The following LMNB2 variants were observed in gnomAD, a reference collection of about 807,000 sequenced individuals.
The protein encoded by LMNB2 is lamin B2.
LMNB2 carries 17 observed loss-of-function variants against 69.3 expected under a neutral mutation model. The ratio of observed to expected loss-of-function variants is 0.25; its 90% CI spans 0.17 to 0.37. The LOEUF is 0.37. Among genes scored for constraint, LMNB2 ranks in the 10% least tolerant of loss-of-function variants. LMNB2 has a pLI of 1.00. For missense variants in LMNB2, 789 were observed against 883.6 expected, an observed-to-expected ratio of 0.89 and a Z score of 1.36; for synonymous variants, 397 against 389.3, an observed-to-expected ratio of 1.02 and a Z score of -0.23.
At position 2,433,820 on chromosome 19, in the gene LMNB2, G is replaced by A. The variant is rs764786678; in HGVS notation, c.1482+6C>T. On this transcript the variant is annotated splice_donor_region_variant and intron_variant, in intron 8 of 11. Transcript: ENST00000325327. ...GTTACCCCCATGCCCCGGTCTTTCCGGTCACCTTGTCCGAGTTGTTCTTGA... is the reference window on the plus strand; with the variant it reads ...GTTACCCCCATGCCCCGGTCTTTCCAGTCACCTTGTCCGAGTTGTTCTTGA... 8.7e-6 allele frequency: 14 copies of A among 1,612,964 alleles called. No individual in the cohort carries two copies. The highest frequency in any genetic ancestry group is 6.7e-5 in the East Asian group (3 of 44,854).
chr19:2,433,736 G>T, intron 8 of LMNB2, 90 bp downstream of exon 8: 2 of 1,460,456 alleles, frequency 1.4e-6, no homozygotes, highest in Non-Finnish European at 1.9e-6. Flanking sequence ...CCCCTGCCTC[G>T]CATTGGCCGG....
At chr19:2,452,754 G>C (rs1187930363) in intron 1 of LMNB2, among the ~76,000 whole-genome samples, 1 of 151,780 alleles carries the variant, frequency 6.6e-6, no homozygotes, top group Non-Finnish European at 1.5e-5. Flanking sequence ...GCGTGTGTGA[G>C]GACCTCGGGG....
At position 2,429,920 on chromosome 19, in the gene LMNB2, CCTGT is replaced by C. The variant is rs956053609; in HGVS notation, c.*987_*990del. On this transcript the variant is annotated 3_prime_UTR_variant, in exon 12 of 12. Coordinates refer to ENST00000325327, the MANE Select transcript of LMNB2 (RefSeq NM_032737.4). ...CGTGATAGGAGTCAGGTGGCCTTGGCCTGTCTGAGAAACATGGTTTCAGCGAGAA... is the reference window on the plus strand; with the variant it reads ...CGTGATAGGAGTCAGGTGGCCTTGGCCTGAGAAACATGGTTTCAGCGAGAA... 3 of 152,172 alleles carry C rather than the reference CCTGT, an allele frequency of 2.0e-5. No homozygotes were observed. Among genetic ancestry groups the C allele is most frequent in the Admixed American group, 6.6e-5 (1 of 15,260 alleles). 9.4% of individuals were successfully genotyped at this position (152,172 alleles called of 1,614,324 possible).
chr19:2,454,279 C>G (rs982194433), intron 1 of LMNB2, among the ~76,000 whole-genome samples: 1 of 131,258 alleles, frequency 7.6e-6, no homozygotes, highest in Non-Finnish European at 1.5e-5. Context: ...GACGACGGAG[C>G]GAGACTCTAT....
In LMNB2 at chr19:2,434,399, C is replaced by G; in HGVS notation, c.1098G>C (p.Val366=). The change falls in exon 7 of 12, where the codon GTG becomes GTC. Residue 366 remains valine, a synonymous_variant. Coordinates refer to ENST00000325327, the MANE Select transcript of LMNB2 (RefSeq NM_032737.4). ...GGTACTCGGCCAGCTGCTGCTGCAT[C>G]ACGTCCCGCATCTCCGTCATCTCCT... ...KEQEMTEMRD[V]MQQQLAEYQE... The G allele has an allele frequency of 6.2e-7, 1 of 1,613,462 alleles. No homozygotes were observed. Among genetic ancestry groups the G allele is most frequent in the Non-Finnish European group, 8.5e-7 (1 of 1,180,012 alleles).
rs1248711726 is a variant in LMNB2, at chr19:2,434,121, G to A, written c.1203-16C>T. 1.9e-6 allele frequency: 3 copies of A among 1,575,336 alleles called. No homozygotes were observed. The highest frequency in any genetic ancestry group is 2.6e-6 in the Non-Finnish European group (3 of 1,163,712). ...CAGCTTCAGCCTGTGGGGAAGGCAA[G>A]GAAGGTGGGACTGGTAGTGGGAGCC... On this transcript the variant is annotated splice_polypyrimidine_tract_variant and intron_variant, in intron 7 of 11. Transcript: ENST00000325327.
chr19:2,452,963 CTAATGGGGGATGGG>C (rs1162339763), intron 1 of LMNB2, among the ~76,000 whole-genome samples: 5 of 114,968 alleles, frequency 4.3e-5, no homozygotes, highest in African/African-American at 1.9e-4. Flanking sequence ...CTGGGTCATC[CTAATGGGGGATGGG>C]TCATCCTAAT....
At chr19:2,437,732 G>A (rs1184109482) in intron 4 of LMNB2, among the ~76,000 whole-genome samples, 2 of 149,884 alleles carry the variant, frequency 1.3e-5, no homozygotes, top group Admixed American at 1.3e-4. Context: ...CCTGGGAGGC[G>A]GAGGTTGCAG....
intron 4 of LMNB2, among the ~76,000 whole-genome samples, chr19:2,435,652 C>T (rs1470181362): frequency 1.3e-5 from 2 of 152,058 alleles, no homozygotes; most frequent in African/African-American, 4.8e-5. Flanking sequence ...CTGAACTGTA[C>T]ACTTTAAAAA....
In LMNB2 at chr19:2,447,550, C is replaced by A. The variant is rs1971970279; in HGVS notation, c.265-3010G>T. On this transcript the variant is annotated intron_variant, in intron 1 of 11. Coordinates refer to ENST00000325327, the MANE Select transcript of LMNB2 (RefSeq NM_032737.4). The surrounding 1 kb of genome is among the most constrained non-coding windows in gnomAD (Gnocchi z 4.4). ...GAAACCTACGGGTGAGCTGGGTGAACCTTATGAGGCGGGAATTAACTGCTC... is the reference window on the plus strand; with the variant it reads ...GAAACCTACGGGTGAGCTGGGTGAAACTTATGAGGCGGGAATTAACTGCTC... Among the ~76,000 whole-genome samples the A allele has an allele frequency of 1.3e-5, 2 of 152,142 alleles. No individual in the cohort carries two copies. The highest frequency in any genetic ancestry group is 2.9e-5 in the Non-Finnish European group (2 of 68,018).
At chr19:2,444,322 C>T in intron 2 of LMNB2, 82 bp downstream of exon 2, 1 of 1,532,366 alleles carries the variant, frequency 6.5e-7, no homozygotes, top group Non-Finnish European at 9.0e-7. Flanking sequence ...GCATGCCCCG[C>T]ACGAGCCCAG....
At chr19:2,454,376 C>A (rs1972065871) in intron 1 of LMNB2, among the ~76,000 whole-genome samples, 1 of 151,908 alleles carries the variant, frequency 6.6e-6, no homozygotes, top group South Asian at 2.1e-4. Flanking sequence ...AAGGCACCAG[C>A]TACATTCTTT....
rs767989080 is a variant in LMNB2, at chr19:2,438,420, G to A, written c.513C>T (p.Arg171=). The A allele has an allele frequency of 1.7e-5, 28 of 1,612,624 alleles. No individual in the cohort carries two copies. Among genetic ancestry groups the A allele is most frequent in the South Asian group, 1.1e-4 (10 of 91,072 alleles). The change falls in exon 3 of 12, where the codon CGC becomes CGT. Residue 171 remains arginine (R), a synonymous_variant. Coordinates refer to ENST00000325327, the MANE Select transcript of LMNB2 (RefSeq NM_032737.4). ...GCTCAGCCACGTCACTCTCCAGGCCGCGCTTGTCGCTGAGGGCAGCTGCCA... is the reference window on the plus strand; with the variant it reads ...GCTCAGCCACGTCACTCTCCAGGCCACGCTTGTCGCTGAGGGCAGCTGCCA... The part of the protein sequence containing the change: ...VELAAALSDK[R]GLESDVAELR...
rs1454491045 is a variant in LMNB2, at chr19:2,432,485, G to A, written c.1521C>T (p.Val507=). The A allele has an allele frequency of 6.2e-7, 1 of 1,613,842 alleles. No individual in the cohort carries two copies. Among genetic ancestry groups the A allele is most frequent in the Non-Finnish European group, 8.5e-7 (1 of 1,179,920 alleles). ...TGTAGGCGATCTCCTCCCCCTCCAA[G>A]ACCTGCCTCTTGATTCTCCAGTTCC... is the stretch of plus-strand genomic sequence containing the variant. The part of the protein sequence containing the change: ...SLGNWRIKRQ[V]LEGEEIAYKF... The change falls in exon 9 of 12, where the codon GTC becomes GTT. Residue 507 remains valine (V), a synonymous_variant. Coordinates refer to ENST00000325327, the MANE Select transcript of LMNB2 (RefSeq NM_032737.4).
At chr19:2,434,937 T>G in intron 5 of LMNB2, 24 bp from the exon 6 acceptor site, 1 of 1,592,546 alleles carries the variant, frequency 6.3e-7, no homozygotes, top group African/African-American at 1.3e-5. Context: ...GGCGGGTGAG[T>G]GCGGGCGCGG....
rs150969746 is a variant in LMNB2, at chr19:2,435,052, G to A, written c.804C>T (p.Asp268=). The part of the protein sequence containing the change: ...QALEELRSQH[D]EQVRLYKLEL... ...CCAGCTTGTAGAGCCGCACTTGCTC[G>A]TCGTGCTGGCTCCGCAGCTCCTCCA... Residue 268 remains aspartate (D), a synonymous_variant, in exon 5 of 12, where the codon GAC becomes GAT. Transcript: ENST00000325327. The A allele has an allele frequency of 3.1e-4, 493 of 1,610,524 alleles. 1 individual carries two copies. In the African/African-American group the frequency reaches 5.1e-3, roughly 17 times the overall value.
At chr19:2,433,495 C>T (rs1424945944) in intron 8 of LMNB2, among the ~76,000 whole-genome samples, 1 of 67,434 alleles carries the variant, frequency 1.5e-5, no homozygotes, top group Non-Finnish European at 2.7e-5. Context: ...CCCCATGCCC[C>T]GGTCATTCCG....
In LMNB2 at chr19:2,443,790, T is replaced by G. The variant is rs755582369; in HGVS notation, c.401+614A>C. Among the ~76,000 whole-genome samples, 1 of 152,116 alleles carries G rather than the reference T, an allele frequency of 6.6e-6. No homozygotes were observed. The highest frequency in any genetic ancestry group is 1.5e-5 in the Non-Finnish European group (1 of 68,028). On this transcript the variant is annotated intron_variant, in intron 2 of 11. Coordinates refer to ENST00000325327, the MANE Select transcript of LMNB2 (RefSeq NM_032737.4). The surrounding 1 kb of genome is among the most constrained non-coding windows in gnomAD (Gnocchi z 6.2). ...TTTTGTCATCATCGTTCTGTTTAAA[T>G]TGCCGCCCAACCACATCCCACGCCC...
Position 2,434,396 on chromosome 19 carries a change from C to T in LMNB2, c.1101G>A (p.Met367Ile), listed in dbSNP as rs774666323. The T allele has an allele frequency of 1.9e-6, 3 of 1,613,418 alleles. No homozygotes were observed. The highest frequency in any genetic ancestry group is 1.7e-6 in the Non-Finnish European group (2 of 1,179,994). Residue 367 changes from methionine to isoleucine, a missense_variant, in exon 7 of 12, where the codon ATG becomes ATA. Met to Ile is a conservative substitution (Grantham distance 10). This residue lies in a region of LMNB2 where 609 missense variants were observed against 630.9 expected (regional missense o/e 0.97). Transcript: ENST00000325327. ...EQEMTEMRDV[M>I]QQQLAEYQEL... ...CCTGGTACTCGGCCAGCTGCTGCTGCATCACGTCCCGCATCTCCGTCATCT... is the reference window on the plus strand; with the variant it reads ...CCTGGTACTCGGCCAGCTGCTGCTGTATCACGTCCCGCATCTCCGTCATCT...
Sources: allele counts gnomAD v4.1 joint callset (sites outside exome capture counted in the v4.1 genomes callset), GRCh38; gene constraint gnomAD v4.1.1; regional missense constraint gnomAD v4.1.1; non-coding constraint Gnocchi (gnomAD v3.1); transcripts MANE v1.5; gene names NCBI Gene and HGNC (gene_info 2026-07-23, HGNC 2026-07-21).